Variants in AOAH observed in about 807,000 individuals in gnomAD.
AOAH encodes the protein acyloxyacyl hydrolase (neutrophil).
In AOAH, 64 loss-of-function variants were observed where a neutral mutation model predicts 92.2. That is an observed-to-expected ratio of 0.69 (90% CI 0.57 to 0.86). AOAH has a LOEUF of 0.86. Among genes scored for constraint, AOAH ranks in the 40% least tolerant of loss-of-function variants. The pLI, the probability that AOAH is intolerant of heterozygous loss-of-function variation, is 0.00. For synonymous variants in AOAH, 263 were observed against 254.5 expected (o/e 1.03, Z -0.32); for missense variants, 656 against 694.6 (o/e 0.94, Z 0.62).
chr7:36,530,283 A>G (rs531141724), intron 19 of AOAH, 135 bp downstream of exon 19: 2 of 624,780 alleles, frequency 3.2e-6, no homozygotes, highest in South Asian at 2.0e-5. Context: ...GAGAGCTATT[A>G]GTGTGTCAGA....
chr7:36,684,332 A>C (rs1026361383), intron 2 of AOAH, among the ~76,000 whole-genome samples: 9 of 152,204 alleles, frequency 5.9e-5, no homozygotes, highest in African/African-American at 2.2e-4. Context: ...TAAGTTCATA[A>C]GTTTATCATG....
At chr7:36,600,543 C>T (rs943967849) in intron 11 of AOAH, among the ~76,000 whole-genome samples, 6 of 152,040 alleles carry the variant, frequency 3.9e-5, no homozygotes, top group African/African-American at 1.4e-4. Flanking sequence ...CGGGAGACGG[C>T]GCACACCACT....
At chr7:36,561,233 G>A (rs1787240364) in intron 13 of AOAH, among the ~76,000 whole-genome samples, 1 of 151,876 alleles carries the variant, frequency 6.6e-6, no homozygotes, top group Admixed American at 6.6e-5. Flanking sequence ...GTAGAGATGG[G>A]GTTTCATCAT....
chr7:36,676,802 A>T (rs545238321), intron 2 of AOAH, among the ~76,000 whole-genome samples: 15 of 152,332 alleles, frequency 9.8e-5, no homozygotes, highest in Admixed American at 7.8e-4. Flanking sequence ...ACAAACCCTA[A>T]CATTTAGTCA....
intron 3 of AOAH, among the ~76,000 whole-genome samples, chr7:36,665,400 C>G (rs568484586): frequency 6.6e-6 from 1 of 150,932 alleles, no homozygotes; most frequent in South Asian, 2.1e-4. Flanking sequence ...GTCCTGCAAC[C>G]TTGCTATAAT....
At chr7:36,675,197 A>T (rs980249635) in intron 2 of AOAH, among the ~76,000 whole-genome samples, 1 of 152,234 alleles carries the variant, frequency 6.6e-6, no homozygotes, top group African/African-American at 2.4e-5. Context: ...TGGAGGTTGC[A>T]GTGAGCCGAG....
rs532143748 is a variant in AOAH at position 36,672,741 on chromosome 7, C to G, written c.290+1202G>C. ...CCATGGCACATGTAAACCTATGTAA[C>G]AAACCTGCATGTTCAGCACATGTAT... On this transcript the variant is annotated intron_variant, in intron 3 of 20. Coordinates refer to ENST00000617537, the MANE Select transcript of AOAH (RefSeq NM_001637.4). 1.3e-4 allele frequency among the ~76,000 whole-genome samples: 20 copies of G among 152,002 alleles called. No homozygotes were observed. The East Asian group carries it at 3.7e-3, about 28-fold the overall frequency.
chr7:36,563,323 A>G (rs1309188104), intron 13 of AOAH, among the ~76,000 whole-genome samples: 1 of 146,526 alleles, frequency 6.8e-6, no homozygotes, highest in Non-Finnish European at 1.5e-5. Flanking sequence ...CCACTTTCCC[A>G]GATCTAGAGT....
chr7:36,603,554 T>C (rs543856715), intron 11 of AOAH, among the ~76,000 whole-genome samples: 1 of 152,332 alleles, frequency 6.6e-6, no homozygotes, highest in East Asian at 1.9e-4. Context: ...GGCAAACTTT[T>C]TCTGTAAAGG....
At chr7:36,623,614 T>G (rs1792438283) in intron 6 of AOAH, among the ~76,000 whole-genome samples, 1 of 152,222 alleles carries the variant, frequency 6.6e-6, no homozygotes, top group African/African-American at 2.4e-5. Flanking sequence ...TTTTTGCCAT[T>G]TTGCACATTG....
chr7:36,671,882 G>A (rs1257693281), intron 3 of AOAH, among the ~76,000 whole-genome samples: 3 of 152,156 alleles, frequency 2.0e-5, no homozygotes, highest in Admixed American at 6.5e-5. Flanking sequence ...TCAGAAACCA[G>A]TTCCTGATGA....
intron 12 of AOAH, among the ~76,000 whole-genome samples, chr7:36,579,593 G>A (rs1327173324): frequency 1.3e-5 from 2 of 152,110 alleles, no homozygotes; most frequent in East Asian, 1.9e-4. Context: ...GCAGGCTGAG[G>A]AGCAAGGAGA....
At chr7:36,552,367 G>A (rs1786330058) in intron 13 of AOAH, among the ~76,000 whole-genome samples, 1 of 152,166 alleles carries the variant, frequency 6.6e-6, no homozygotes, top group East Asian at 1.9e-4. Flanking sequence ...GTGTTCTGTG[G>A]TGTATGTGTA....
chr7:36,526,316 C>T (rs1784394927), intron 19 of AOAH, among the ~76,000 whole-genome samples: 1 of 152,196 alleles, frequency 6.6e-6, no homozygotes, highest in Admixed American at 6.5e-5. Context: ...TCATCACATA[C>T]ATGTAGCCAT....
intron 20 of AOAH, among the ~76,000 whole-genome samples, chr7:36,520,963 C>T (rs1355240612): frequency 5.3e-5 from 8 of 152,256 alleles, no homozygotes; most frequent in Non-Finnish European, 7.3e-5. Flanking sequence ...ATTTGTGGGA[C>T]GCCACTTTTA....
chr7:36,679,048 T>C (rs1796478469), intron 2 of AOAH, among the ~76,000 whole-genome samples: 1 of 152,170 alleles, frequency 6.6e-6, no homozygotes. Context: ...ATGTGGCTAT[T>C]CCAAAGGACA....
At chr7:36,707,206 T>C (rs994412595) in intron 1 of AOAH, among the ~76,000 whole-genome samples, 2 of 152,078 alleles carry the variant, frequency 1.3e-5, no homozygotes, top group African/African-American at 4.8e-5. Flanking sequence ...GGGTTGCTAA[T>C]TGGCCTAATG....
intron 12 of AOAH, among the ~76,000 whole-genome samples, chr7:36,586,433 G>A (rs1248536372): frequency 6.6e-6 from 1 of 152,126 alleles, no homozygotes; most frequent in Non-Finnish European, 1.5e-5. Context: ...TCATTTGGCT[G>A]ATGCTCTCTT....
rs1046193066 is a variant in AOAH at position 36,589,154 on chromosome 7, A to G, written c.938+5185T>C. On this transcript the variant is annotated intron_variant, in intron 12 of 20. Coordinates refer to ENST00000617537, the MANE Select transcript of AOAH (RefSeq NM_001637.4). ...ACTGACTCCTGGCCCCACCTTCAGA[A>G]TAAGGGGATACGAACGGCCAGAAAT... 6.6e-5 allele frequency among the ~76,000 whole-genome samples: 10 copies of G among 152,126 alleles called. No individual in the cohort carries two copies. In the South Asian group the frequency reaches 1.0e-3, roughly 16 times the overall value.
Sources: allele counts gnomAD v4.1 joint callset (sites outside exome capture counted in the v4.1 genomes callset), GRCh38; gene constraint gnomAD v4.1.1; transcripts MANE v1.5; gene names NCBI Gene and HGNC (gene_info 2026-07-23, HGNC 2026-07-21).